Variants in ZNF786 observed in about 807,000 individuals in gnomAD.
The protein encoded by ZNF786 is zinc finger protein 786.
In ZNF786, 56 loss-of-function variants were observed where a neutral mutation model predicts 63.1. The observed-to-expected ratio is 0.89, with a 90% CI of 0.72 to 1.11. The LOEUF (loss-of-function observed/expected upper bound fraction) is 1.11. Among genes scored for constraint, ZNF786 ranks in the 50% least tolerant of loss-of-function variants. ZNF786 has a pLI of 0.00. For missense variants in ZNF786, 1,213 were observed against 1,041.8 expected (o/e 1.16, Z -2.26); for synonymous variants, 485 against 406.9 (o/e 1.19, Z -2.31).
intron 2 of ZNF786, among the ~76,000 whole-genome samples, chr7:149,078,658 T>C (rs1340898578): frequency 6.6e-6 from 1 of 151,824 alleles, no homozygotes; most frequent in Non-Finnish European, 1.5e-5. Flanking sequence ...CACTCCAGCC[T>C]GGGCAACAAG....
In ZNF786 at chr7:149,070,465, C is replaced by A. The variant is rs781073888; in HGVS notation, c.2307G>T (p.Arg769Ser). The A allele has an allele frequency of 2.5e-6, 4 of 1,613,862 alleles. No homozygotes were observed. The highest frequency in any genetic ancestry group is 2.5e-6 in the Non-Finnish European group (3 of 1,179,880). ...PAPNELDIKK[R>S]LSQLFAMIEA... The stretch of plus-strand genomic sequence containing the variant: ...CTATCATTGCAAACAGTTGGCTGAG[C>A]CTTTTCTTAATGTCCAGTTCATTTG... The change falls in exon 4 of 4, where the codon AGG (arginine) becomes AGT (serine). Residue 769 changes from arginine (R) to serine (S), a missense_variant. Physicochemically the swap from Arg to Ser is moderately radical, Grantham distance 110. Coordinates refer to ENST00000491431, the MANE Select transcript of ZNF786 (RefSeq NM_152411.4).
In ZNF786 at chr7:149,072,311, C is replaced by T; in HGVS notation, c.461G>A (p.Cys154Tyr). ...TTTTAGGGTAGATTCACTGGGGCCGCAGGCTAGTGGTGGAGGAGCCCTGGC... is the reference window on the plus strand; with the variant it reads ...TTTTAGGGTAGATTCACTGGGGCCGTAGGCTAGTGGTGGAGGAGCCCTGGC... ...HDARAPPPLA[C>Y]GPSESTLKEG... is the part of the protein sequence containing the mutation. The change falls in exon 4 of 4, where the codon TGC becomes TAC. Residue 154 changes from cysteine to tyrosine, a missense_variant. Coordinates refer to ENST00000491431, the MANE Select transcript of ZNF786 (RefSeq NM_152411.4). 6.2e-7 allele frequency: 1 copy of T among 1,613,800 alleles called. No homozygotes were observed.
intron 1 of ZNF786, among the ~76,000 whole-genome samples, chr7:149,086,844 CT>C (rs34115320): frequency 0.58 from 80,300 of 139,334 alleles, 24,091 homozygotes; most frequent in East Asian, 0.88. Flanking sequence ...AGCGCAGATC[CT>C]TTTTTTTTTT....
At chr7:149,075,698 G>A (rs1259077063) in intron 2 of ZNF786, among the ~76,000 whole-genome samples, 1 of 83,054 alleles carries the variant, frequency 1.2e-5, no homozygotes, top group Non-Finnish European at 2.1e-5. Context: ...GAGTCTCACT[G>A]TGTCTCCCAG....
chr7:149,088,151 C>T (rs182298849), intron 1 of ZNF786, among the ~76,000 whole-genome samples: 6 of 152,072 alleles, frequency 3.9e-5, no homozygotes, highest in East Asian at 1.9e-4. Flanking sequence ...TACAGGTGCC[C>T]GCCACCACGT....
At position 149,070,869 on chromosome 7, in the gene ZNF786, C is replaced by A. The variant is rs776755256; in HGVS notation, c.1903G>T (p.Asp635Tyr). 45 of 1,609,402 alleles carry A rather than the reference C, an allele frequency of 2.8e-5. No homozygotes were observed. The highest frequency in any genetic ancestry group is 3.4e-5 in the Non-Finnish European group (40 of 1,178,802). Reference protein sequence around the residue: ...ECDKRYRVKADMKAHQLLHSG... With the variant: ...ECDKRYRVKAYMKAHQLLHSG... ...TGCAGCAGCTGGTGGGCCTTCATGTCGGCCTTCACGCGATAGCGCTTGTCG... is the reference window on the plus strand; with the variant it reads ...TGCAGCAGCTGGTGGGCCTTCATGTAGGCCTTCACGCGATAGCGCTTGTCG... Residue 635 changes from aspartate to tyrosine, a missense_variant, in exon 4 of 4, where the codon GAC becomes TAC. Physicochemically the swap from Asp to Tyr is radical, Grantham distance 160. Coordinates refer to ENST00000491431, the MANE Select transcript of ZNF786 (RefSeq NM_152411.4).
At chr7:149,074,323 GAGAAGAGAA>G (rs1285864215) in intron 3 of ZNF786, 54 bp downstream of exon 3, 218 of 1,582,848 alleles carry the variant, frequency 1.4e-4, no homozygotes, top group Non-Finnish European at 1.8e-4. Context: ...GACAAGATCA[GAGAAGAGAA>G]ACAAATCTGA....
At chr7:149,082,585 A>AT (rs66753454) in intron 1 of ZNF786, 18,044 of 583,048 alleles carry the variant, frequency 0.031, 1 homozygote, top group Non-Finnish European at 0.034. Flanking sequence ...TCCAACTTAA[A>AT]TTTTTTTTTT....
Position 149,070,646 on chromosome 7 carries a change from C to T in ZNF786, c.2126G>A (p.Cys709Tyr). ...TCCCCTTTCCCGGAAGTTCTTGTCA[C>T]ACTCAGGGCAGTGAAAAGGCCTCTC... ...TGERPFHCPE[C>Y]DKNFRERGHM... Residue 709 changes from cysteine (C) to tyrosine (Y), a missense_variant, in exon 4 of 4, where the codon TGT becomes TAT. Cys to Tyr is a radical substitution (Grantham distance 194, BLOSUM62 -2). Coordinates refer to ENST00000491431, the MANE Select transcript of ZNF786 (RefSeq NM_152411.4). The T allele has an allele frequency of 1.9e-6, 3 of 1,613,972 alleles. No individual in the cohort carries two copies. Among genetic ancestry groups the T allele is most frequent in the South Asian group, 2.2e-5 (2 of 91,088 alleles).
At chr7:149,076,917 A>T (rs1369047226) in intron 2 of ZNF786, among the ~76,000 whole-genome samples, 1 of 152,110 alleles carries the variant, frequency 6.6e-6, no homozygotes, top group Non-Finnish European at 1.5e-5. Context: ...TACACACATA[A>T]GCATTGACAG....
Position 149,071,743 on chromosome 7 carries a change from G to A in ZNF786, c.1029C>T (p.Gly343=), listed in dbSNP as rs1345951774. The change falls in exon 4 of 4, where the codon GGC becomes GGT. Residue 343 remains glycine (G), a synonymous_variant. Coordinates refer to ENST00000491431, the MANE Select transcript of ZNF786 (RefSeq NM_152411.4). ...SSSVHSGQKP[G]SRLPQEGNSH... ...TGTTCCCCTCCTGGGGCAGGCGCGA[G>A]CCTGGTTTCTGTCCCGAGTGCACAC... 4 of 1,588,562 alleles carry A rather than the reference G, an allele frequency of 2.5e-6. No homozygotes were observed. Among genetic ancestry groups the A allele is most frequent in the Non-Finnish European group, 3.4e-6 (4 of 1,174,916 alleles).
At chr7:149,087,820 G>T (rs1825762090) in intron 1 of ZNF786, among the ~76,000 whole-genome samples, 3 of 150,852 alleles carry the variant, frequency 2.0e-5, no homozygotes, top group African/African-American at 7.3e-5. Flanking sequence ...TGAAACGGGG[G>T]TCTCTGTTGC....
intron 1 of ZNF786, among the ~76,000 whole-genome samples, chr7:149,085,869 T>G (rs549010526): frequency 1.1e-4 from 16 of 152,248 alleles, no homozygotes; most frequent in South Asian, 4.1e-4. Flanking sequence ...TATTCTTGAT[T>G]TGGCTTTTAG....
In ZNF786 at chr7:149,078,005, G is replaced by T. The variant is rs1789309204; in HGVS notation, c.145+2586C>A. On this transcript the variant is annotated intron_variant, in intron 2 of 3. Transcript: ENST00000491431. ...AGCCTCCCAAGTAGCTGGGATTACA[G>T]GCATGCACAACCACACCCAGCTAAT... is the stretch of plus-strand genomic sequence containing the variant. Among the ~76,000 whole-genome samples, 4 of 151,744 alleles carry T rather than the reference G, an allele frequency of 2.6e-5. No homozygotes were observed. In the South Asian group the frequency reaches 8.3e-4, roughly 32 times the overall value.
chr7:149,079,368 C>A (rs905015342), intron 2 of ZNF786, among the ~76,000 whole-genome samples: 2 of 151,198 alleles, frequency 1.3e-5, no homozygotes, highest in African/African-American at 4.9e-5. Flanking sequence ...GAGATCCCGC[C>A]GCTGCACTCC....
At position 149,070,754 on chromosome 7, in the gene ZNF786, T is replaced by C; in HGVS notation, c.2018A>G (p.Glu673Gly). The stretch of plus-strand genomic sequence containing the variant: ...ACACTTGGGACACTGAAAAGGCTTC[T>C]CTCCCGTGTGCGTTCTGATGTGCTC... Reference protein sequence around the residue: ...LIEHIRTHTGEKPFQCPKCDK... With the variant: ...LIEHIRTHTGGKPFQCPKCDK... Residue 673 changes from glutamate to glycine, a missense_variant, in exon 4 of 4, where the codon GAG (glutamate) becomes GGG (glycine). Coordinates refer to ENST00000491431, the MANE Select transcript of ZNF786 (RefSeq NM_152411.4). 6.2e-7 allele frequency: 1 copy of C among 1,613,766 alleles called. No homozygotes were observed. The highest frequency in any genetic ancestry group is 2.2e-5 in the East Asian group (1 of 44,886).
chr7:149,085,172 C>G (rs184465712), intron 1 of ZNF786, among the ~76,000 whole-genome samples: 6 of 152,128 alleles, frequency 3.9e-5, no homozygotes, highest in Non-Finnish European at 7.3e-5. Context: ...CTTACCAGTA[C>G]CATGCTGTTT....
Position 149,071,301 on chromosome 7 carries a change from G to A in ZNF786, c.1471C>T (p.Arg491Cys). ...TGGGCTCTCAGCATGCTCTCCAGGC[G>A]GAAGCTCAGCCCACACTCTGGGCAC... ...FQCPECGLSF[R>C]LESMLRAHRL... is the part of the protein sequence containing the mutation. The change falls in exon 4 of 4, where the codon CGC becomes TGC. Residue 491 changes from arginine (R) to cysteine (C), a missense_variant. By Grantham distance (180) the Arg-to-Cys change is radical. Coordinates refer to ENST00000491431, the MANE Select transcript of ZNF786 (RefSeq NM_152411.4). 2 of 1,613,246 alleles carry A rather than the reference G, an allele frequency of 1.2e-6. No homozygotes were observed. Among genetic ancestry groups the A allele is most frequent in the Non-Finnish European group, 1.7e-6 (2 of 1,179,782 alleles).
At chr7:149,083,425 C>T (rs1476762999) in intron 1 of ZNF786, among the ~76,000 whole-genome samples, 1 of 152,102 alleles carries the variant, frequency 6.6e-6, no homozygotes, top group Non-Finnish European at 1.5e-5. Context: ...GCACATTAGC[C>T]AGGCTGGTCT....
Sources: gnomAD v4.1 joint callset for allele counts (sites outside exome capture counted in the v4.1 genomes callset) on GRCh38, gnomAD v4.1.1 for gene constraint, MANE v1.5 for transcripts, NCBI Gene and HGNC (gene_info 2026-07-23, HGNC 2026-07-21) for gene names.